Variants in GLDC observed in about 807,000 individuals in gnomAD.
GLDC encodes glycine decarboxylase.
GLDC carries 104 observed loss-of-function variants against 121.3 expected under a neutral mutation model. The ratio of observed to expected loss-of-function variants is 0.86; its 90% CI spans 0.73 to 1.01. GLDC has a LOEUF of 1.01. GLDC is among the 50% of genes least tolerant of loss of function. The pLI, the probability that GLDC is intolerant of heterozygous loss-of-function variation, is 0.00. For synonymous variants in GLDC, 546 were observed against 480.6 expected (o/e 1.14, Z -1.78); for missense variants, 1,429 against 1,306.6 (o/e 1.09, Z -1.44).
chr9:6,594,692 T>TAAGCAAGGAAGCAAGCAAGC (rs1554647146), intron 9 of GLDC, among the ~76,000 whole-genome samples: 7 of 144,340 alleles, frequency 4.8e-5, no homozygotes, highest in Non-Finnish European at 8.9e-5. Flanking sequence ...AAGACTCCAT[T>TAAGCAAGGAAGCAAGCAAGC]AAGCAAGGAA....
chr9:6,609,807 C>G (rs1043200723), intron 4 of GLDC, among the ~76,000 whole-genome samples: 4 of 152,254 alleles, frequency 2.6e-5, no homozygotes, highest in Admixed American at 1.3e-4. Context: ...GCTGGCCCAC[C>G]CTCGCAGCCC....
intron 17 of GLDC, chr9:6,557,609 AAAGATAAAG>A (rs1817662735): frequency 6.6e-6 from 1 of 151,246 alleles, no homozygotes; most frequent in East Asian, 1.9e-4. Context: ...AAACAAACAA[AAAGATAAAG>A]AACAGGAATT....
At chr9:6,605,520 G>A (rs1008931301) in intron 5 of GLDC, 4 of 568,118 alleles carry the variant, frequency 7.0e-6, no homozygotes, top group Non-Finnish European at 1.3e-5. Flanking sequence ...GCCCTTTCCT[G>A]TCACAATCTA....
Position 6,558,572 on chromosome 9 carries a change from T to C in GLDC, c.2039A>G (p.His680Arg), listed in dbSNP as rs754531832. 5 of 1,614,180 alleles carry C rather than the reference T, an allele frequency of 3.1e-6. No homozygotes were observed. In the South Asian group the frequency reaches 4.4e-5, roughly 14 times the overall value. The change falls in exon 17 of 25, where the codon CAC becomes CGC. Residue 680 changes from histidine (H) to arginine (R), a missense_variant. Physicochemically the swap from His to Arg is conservative, Grantham distance 29. Coordinates refer to ENST00000321612, the MANE Select transcript of GLDC (RefSeq NM_000170.3). ...GAAGACAAGTACCATGGCCTTGAGGTGAACTGCATCGATATTCCCATATTT... is the reference window on the plus strand; with the variant it reads ...GAAGACAAGTACCATGGCCTTGAGGCGAACTGCATCGATATTCCCATATTT... ...VDKYGNIDAVHLKAMVDKHKE... is the reference protein window; with the variant it reads ...VDKYGNIDAVRLKAMVDKHKE...
intron 2 of GLDC, 121 bp downstream of exon 2, chr9:6,644,493 T>C: frequency 1.3e-6 from 1 of 743,610 alleles, no homozygotes; most frequent in South Asian, 1.4e-5. Flanking sequence ...CACTGTTTTA[T>C]TTTAATCCAC....
intron 7 of GLDC, among the ~76,000 whole-genome samples, chr9:6,603,403 G>C (rs934692667): frequency 6.6e-6 from 1 of 151,782 alleles, no homozygotes; most frequent in African/African-American, 2.4e-5. Flanking sequence ...GATCACTTGA[G>C]CCCTAAGACC....
In GLDC at chr9:6,639,567, G is replaced by A. The variant is rs529271989; in HGVS notation, c.334+5047C>T. 2.1e-5 allele frequency: 16 copies of A among 762,908 alleles called. No individual in the cohort carries two copies. In the South Asian group the frequency reaches 2.1e-4, roughly 10 times the overall value. The allele number at this position is 762,908 out of a possible 1,614,324, so 47.3% of individuals were successfully genotyped here. On this transcript the variant is annotated intron_variant, in intron 2 of 24. Transcript: ENST00000321612. ...GAAGGTATATGTTCGACTGGCTCCT[G>A]ATTATGATGCTTTGGATGTTGCCAA...
At chr9:6,543,448 A>G (rs1817313062) in intron 21 of GLDC, among the ~76,000 whole-genome samples, 2 of 152,132 alleles carry the variant, frequency 1.3e-5, no homozygotes, top group South Asian at 4.1e-4. Context: ...GAGGTTCAGT[A>G]ATAGCTGAAA....
chr9:6,636,546 G>A (rs768374817), intron 2 of GLDC, among the ~76,000 whole-genome samples: 4 of 152,200 alleles, frequency 2.6e-5, no homozygotes, highest in Admixed American at 6.5e-5. Flanking sequence ...AGGCAGAGTC[G>A]GAAGGATTTC....
intron 21 of GLDC, among the ~76,000 whole-genome samples, chr9:6,544,242 G>A (rs1308813549): frequency 3.9e-5 from 6 of 152,086 alleles, no homozygotes; most frequent in African/African-American, 7.2e-5. Context: ...AGGTTTCCCC[G>A]AGAATGAGGT....
At position 6,633,436 on chromosome 9, in the gene GLDC, C is replaced by T. The variant is rs565306134; in HGVS notation, c.334+11178G>A. ...TCTAGACTCTACTTTGCAACTTTTG[C>T]TTCAACTTTTCCAAATGCATGTTCC... On this transcript the variant is annotated intron_variant, in intron 2 of 24. Coordinates refer to ENST00000321612, the MANE Select transcript of GLDC (RefSeq NM_000170.3). Among the ~76,000 whole-genome samples, 9 of 152,268 alleles carry T rather than the reference C, an allele frequency of 5.9e-5. No homozygotes were observed. The East Asian group carries it at 1.7e-3, about 29-fold the overall frequency.
rs938346920 is a variant in GLDC, at chr9:6,553,574, T to G, written c.2316-65A>C. ...ATTCAGTTTAATCTAATGGGAAGGT[T>G]CTGGGCCCTCCCAGAAAGCCTTGTT... On this transcript the variant is annotated intron_variant, in intron 19 of 24. Coordinates refer to ENST00000321612, the MANE Select transcript of GLDC (RefSeq NM_000170.3). 15 of 1,502,412 alleles carry G rather than the reference T, an allele frequency of 1.0e-5. No homozygotes were observed. The African/African-American group carries it at 1.2e-4, about 12-fold the overall frequency. 93.1% of individuals were successfully genotyped at this position (1,502,412 alleles called of 1,614,324 possible).
chr9:6,624,696 G>A (rs902361709), intron 2 of GLDC, among the ~76,000 whole-genome samples: 5 of 152,166 alleles, frequency 3.3e-5, no homozygotes, highest in African/African-American at 1.2e-4. Context: ...GTTAAAAAAG[G>A]CTCAGGTTGG....
At chr9:6,535,644 C>G (rs1587909241) in intron 23 of GLDC, among the ~76,000 whole-genome samples, 1 of 152,180 alleles carries the variant, frequency 6.6e-6, no homozygotes, top group Admixed American at 6.5e-5. Flanking sequence ...GCCCAACCAA[C>G]TTTTCCCCAA....
Position 6,550,786 on chromosome 9 carries a change from T to C in GLDC, c.2569+17A>G, listed in dbSNP as rs1189692774. 6.5e-7 allele frequency: 1 copy of C among 1,534,340 alleles called. No homozygotes were observed. The highest frequency in any genetic ancestry group is 1.1e-5 in the South Asian group (1 of 89,582). On this transcript the variant is annotated intron_variant, in intron 21 of 24. Transcript: ENST00000321612. ...AGAAAAAAACCAAAGTAATGATAGA[T>C]TAAAGTTGATACTTGCCTCTTGCAC...
intron 4 of GLDC, among the ~76,000 whole-genome samples, chr9:6,608,179 C>G (rs1187672592): frequency 3.3e-5 from 5 of 150,914 alleles, no homozygotes; most frequent in Non-Finnish European, 5.9e-5. Flanking sequence ...TTTGGGAGGC[C>G]GAGGCGGGCA....
At chr9:6,637,687 G>A (rs769716900) in intron 2 of GLDC, among the ~76,000 whole-genome samples, 8 of 152,130 alleles carry the variant, frequency 5.3e-5, no homozygotes, top group Middle Eastern at 3.4e-3. Context: ...GGCTGATGCT[G>A]AACTCCTGGC....
intron 2 of GLDC, among the ~76,000 whole-genome samples, chr9:6,637,713 C>T (rs573277340): frequency 1.3e-4 from 20 of 152,168 alleles, no homozygotes; most frequent in Non-Finnish European, 1.9e-4. Flanking sequence ...GTGATCCATC[C>T]GCCTCAGCCT....
rs1019523567 is a variant in GLDC, at chr9:6,562,748, A to G, written c.1926+2606T>C. ...GCTAATTTTTGTGTTTTTAGTAGAG[A>G]CAGGGTTTTGCTATGTTGGCCAGGC... On this transcript the variant is annotated intron_variant, in intron 16 of 24. Transcript: ENST00000321612. Among the ~76,000 whole-genome samples, 196 of 152,174 alleles carry G rather than the reference A, an allele frequency of 1.3e-3. 1 individual carries two copies. Among genetic ancestry groups the G allele is most frequent in the African/African-American group, 4.6e-3 (190 of 41,522 alleles).
Sources: gnomAD v4.1 joint callset for allele counts (sites outside exome capture counted in the v4.1 genomes callset) on GRCh38, gnomAD v4.1.1 for gene constraint, MANE v1.5 for transcripts, NCBI Gene and HGNC (gene_info 2026-07-23, HGNC 2026-07-21) for gene names.